Variants in CDH13 observed in about 807,000 individuals in gnomAD.
CDH13 encodes the protein cadherin-13.
Under a neutral mutation model 63.8 loss-of-function variants are expected in CDH13, and 24 were observed. That is an observed-to-expected ratio of 0.38 (90% CI 0.27 to 0.53). The LOEUF (loss-of-function observed/expected upper bound fraction) is 0.53, where lower values mean the gene tolerates loss of function less well. CDH13 is among the 20% of genes least tolerant of loss of function. The pLI is 0.85. For synonymous variants in CDH13, 503 were observed against 355.3 expected (o/e 1.42, Z -4.67); for missense variants, 1,049 against 903.1 (o/e 1.16, Z -2.07).
chr16:83,720,241 C>T (rs917455440), intron 10 of CDH13, among the ~76,000 whole-genome samples: 3 of 152,124 alleles, frequency 2.0e-5, no homozygotes, highest in Admixed American at 6.5e-5. Flanking sequence ...CATGCACATA[C>T]ATGTCCACAC....
intron 5 of CDH13, among the ~76,000 whole-genome samples, chr16:83,290,733 C>T (rs1722790752): frequency 2.0e-5 from 3 of 152,292 alleles, no homozygotes; most frequent in South Asian, 4.1e-4. Flanking sequence ...GTCCTGTGTT[C>T]AGGGCCTTTC....
At chr16:83,734,334 C>T (rs549113347) in intron 10 of CDH13, among the ~76,000 whole-genome samples, 53 of 152,230 alleles carry the variant, frequency 3.5e-4, no homozygotes, top group African/African-American at 9.9e-4. Flanking sequence ...AGGCTTTAAT[C>T]GGGTGCTGCT....
chr16:83,258,908 C>T (rs1906625061), intron 5 of CDH13, among the ~76,000 whole-genome samples: 1 of 152,182 alleles, frequency 6.6e-6, no homozygotes, highest in African/African-American at 2.4e-5. Flanking sequence ...CACATCACTG[C>T]CTCTCCTTCC....
chr16:83,792,017 T>C lies in CDH13; in HGVS notation c.2135-3006T>C, dbSNP rs529617569. On this transcript the variant is annotated intron_variant, in intron 13 of 13. Coordinates refer to ENST00000567109, the MANE Select transcript of CDH13 (RefSeq NM_001257.5). ...TTTGCTATTGATCCCCTTTCCGCAA[T>C]CCAGGCTCTCATTGATCTGCTTTCT... Among the ~76,000 whole-genome samples, 4 of 152,340 alleles carry C rather than the reference T, an allele frequency of 2.6e-5. No individual in the cohort carries two copies. In the South Asian group the frequency reaches 8.3e-4, roughly 32 times the overall value.
chr16:83,733,674 G>C (rs1911261223), intron 10 of CDH13, among the ~76,000 whole-genome samples: 1 of 152,162 alleles, frequency 6.6e-6, no homozygotes. Flanking sequence ...CAGAGCAAAG[G>C]CCATGGTGTG....
intron 2 of CDH13, among the ~76,000 whole-genome samples, chr16:82,866,428 G>C (rs147051880): frequency 5.7e-5 from 6 of 104,350 alleles, no homozygotes; most frequent in Non-Finnish European, 8.8e-5. Context: ...TCACTTTGTC[G>C]CCCAGGCTGG....
At chr16:83,496,727 C>G (rs566928044) in intron 7 of CDH13, among the ~76,000 whole-genome samples, 3 of 151,998 alleles carry the variant, frequency 2.0e-5, no homozygotes, top group Non-Finnish European at 4.4e-5. Context: ...AACAGGCGAC[C>G]TACAAAATGG....
intron 13 of CDH13, among the ~76,000 whole-genome samples, chr16:83,788,497 G>T (rs776652486): frequency 2.1e-4 from 32 of 150,966 alleles, no homozygotes; most frequent in Non-Finnish European, 4.3e-4. Flanking sequence ...AAAAAGACTT[G>T]GCAGTATTTT....
chr16:83,232,587 C>G (rs2040035098), intron 5 of CDH13, among the ~76,000 whole-genome samples: 1 of 151,906 alleles, frequency 6.6e-6, no homozygotes, highest in African/African-American at 2.4e-5. Context: ...CTCCCTTCCC[C>G]CACACACTTT....
chr16:82,899,296 T>C (rs16958834), intron 2 of CDH13, among the ~76,000 whole-genome samples: 22,163 of 152,054 alleles, frequency 0.15, 1,815 homozygotes, highest in African/African-American at 0.2. Context: ...GTCCCTAGAG[T>C]CCACTAGAAG....
chr16:82,918,824 T>G (rs1437569741), intron 2 of CDH13, among the ~76,000 whole-genome samples: 1 of 152,146 alleles, frequency 6.6e-6, no homozygotes, highest in Non-Finnish European at 1.5e-5. Flanking sequence ...CACTGTAACT[T>G]TTGATACATA....
chr16:82,888,485 C>T lies in CDH13; in HGVS notation c.157+30012C>T, dbSNP rs1597146122. On this transcript the variant is annotated intron_variant, in intron 2 of 13. Transcript: ENST00000567109. ...AATGCCCCAGTGCTCTCTGTCCCTG[C>T]TGCCTCTGGCAGCCACTTCTGCTCC... Among the ~76,000 whole-genome samples the T allele has an allele frequency of 2.0e-5, 3 of 152,200 alleles. No individual in the cohort carries two copies. In the South Asian group the frequency reaches 6.2e-4, roughly 32 times the overall value.
chr16:83,782,482 T>C (rs1424158295), intron 12 of CDH13, among the ~76,000 whole-genome samples: 1 of 152,088 alleles, frequency 6.6e-6, no homozygotes, highest in East Asian at 1.9e-4. Context: ...ACACCTGTAA[T>C]CCCAGCATTT....
chr16:83,506,406 T>G (rs2074396230), intron 7 of CDH13, among the ~76,000 whole-genome samples: 1 of 152,218 alleles, frequency 6.6e-6, no homozygotes, highest in Non-Finnish European at 1.5e-5. Flanking sequence ...GACTGACAGA[T>G]GCAGTGCCTT....
chr16:82,781,163 C>G (rs1410104359), intron 1 of CDH13, among the ~76,000 whole-genome samples: 2 of 152,196 alleles, frequency 1.3e-5, no homozygotes, highest in East Asian at 3.8e-4. Context: ...TTTTAATATG[C>G]AGGCAATTTT....
At chr16:83,245,466 G>C (rs185520653) in intron 5 of CDH13, among the ~76,000 whole-genome samples, 2 of 152,258 alleles carry the variant, frequency 1.3e-5, no homozygotes, top group African/African-American at 4.8e-5. Context: ...GCTAAGGAAA[G>C]CAAGTGCTGA....
At chr16:83,278,221 C>G (rs751356894) in intron 5 of CDH13, among the ~76,000 whole-genome samples, 3 of 152,112 alleles carry the variant, frequency 2.0e-5, no homozygotes, top group African/African-American at 7.2e-5. Flanking sequence ...AGTACAACCC[C>G]AGGAATTTTG....
intron 2 of CDH13, among the ~76,000 whole-genome samples, chr16:82,952,780 A>C (rs1034031785): frequency 6.6e-6 from 1 of 152,166 alleles, no homozygotes; most frequent in Non-Finnish European, 1.5e-5. Context: ...GTGCCACAAG[A>C]TGCTTATCTG....
chr16:82,695,527 G>A (rs1029010782), intron 1 of CDH13, among the ~76,000 whole-genome samples: 1 of 152,116 alleles, frequency 6.6e-6, no homozygotes, highest in African/African-American at 2.4e-5. Context: ...CTTAGCTTTG[G>A]TGTGTGCTGC....
Sources: allele counts gnomAD v4.1 joint callset (sites outside exome capture counted in the v4.1 genomes callset), GRCh38; gene constraint gnomAD v4.1.1; transcripts MANE v1.5; gene names NCBI Gene and HGNC (gene_info 2026-07-23, HGNC 2026-07-21).